HELZ: variants seen among roughly 807,000 people sequenced by gnomAD.
HELZ encodes the protein ATP-dependent RNA helicase with zinc finger domain.
In HELZ, 23 loss-of-function variants were observed where a neutral mutation model predicts 218.2. The ratio of observed to expected loss-of-function variants is 0.11; its 90% CI spans 0.08 to 0.15. The LOEUF is 0.15. Among genes scored for constraint, HELZ ranks in the 10% least tolerant of loss-of-function variants. HELZ has a pLI of 1.00. For synonymous variants in HELZ, 814 were observed against 829.4 expected (o/e 0.98, Z 0.32); for missense variants, 1,813 against 2,353.7 (o/e 0.77, Z 4.75).
At chr17:67,082,522 T>C (rs2036226449) in intron 32 of HELZ, among the ~76,000 whole-genome samples, 1 of 152,220 alleles carries the variant, frequency 6.6e-6, no homozygotes, top group African/African-American at 2.4e-5. Flanking sequence ...TTTAGTATTT[T>C]ATTTATTCAA....
At position 67,245,187 on chromosome 17, in the gene HELZ, A is replaced by G; in HGVS notation, c.-171T>C. On this transcript the variant is annotated 5_prime_UTR_variant, in exon 1 of 33. Transcript: ENST00000358691. ...TACGCCATCTTGGATCCACTTGTCA[A>G]CGTCCCCACAAAGCATTATGGGTAA... 7.1e-6 allele frequency: 7 copies of G among 985,200 alleles called. No homozygotes were observed. Among genetic ancestry groups the G allele is most frequent in the Non-Finnish European group, 8.4e-6 (7 of 829,878 alleles). The allele number at this position is 985,200 out of a possible 1,614,324, so 61.0% of individuals were successfully genotyped here. A position where few individuals can be genotyped will look rare whatever the true frequency, so the allele number is the denominator to read the frequency against.
At chr17:67,088,259 T>G (rs139727534) in intron 31 of HELZ, among the ~76,000 whole-genome samples, 2 of 152,216 alleles carry the variant, frequency 1.3e-5, no homozygotes, top group Non-Finnish European at 2.9e-5. Context: ...TAGCAAATGA[T>G]AAATCTGCTG....
Position 67,124,001 on chromosome 17 carries a change from T to C in HELZ, c.3401A>G (p.His1134Arg), listed in dbSNP as rs774383686. 3.7e-6 allele frequency: 6 copies of C among 1,603,162 alleles called. No homozygotes were observed. In the South Asian group the frequency reaches 6.6e-5, roughly 18 times the overall value. ...CTGGAAGTGATCATTCTGGGTATGA[T>C]GAAGACTTTTCCCCTTTAAAGAAAA... ...QQSPPKGKSLHHTQNDHFQND... is the reference protein window; with the variant it reads ...QQSPPKGKSLRHTQNDHFQND... Residue 1134 changes from histidine (H) to arginine (R), a missense_variant, in exon 25 of 33, where the codon CAT (histidine) becomes CGT (arginine). His to Arg is a conservative substitution (Grantham distance 29). Coordinates refer to ENST00000358691, the MANE Select transcript of HELZ (RefSeq NM_014877.4).
chr17:67,143,074 T>C (rs1210723240), intron 21 of HELZ, among the ~76,000 whole-genome samples: 1 of 152,132 alleles, frequency 6.6e-6, no homozygotes. Flanking sequence ...GAGGGACATT[T>C]AAAAATGATA....
chr17:67,114,229 G>A (rs1203258035), intron 28 of HELZ, 95 bp downstream of exon 28: 4 of 814,552 alleles, frequency 4.9e-6, no homozygotes, highest in Non-Finnish European at 8.6e-6. Context: ...AAGGATAAGT[G>A]TACAAAGGGA....
chr17:67,147,386 T>G (rs747817813), intron 20 of HELZ, among the ~76,000 whole-genome samples: 7 of 152,236 alleles, frequency 4.6e-5, no homozygotes, highest in Non-Finnish European at 1.0e-4. Flanking sequence ...AATTTGGGTA[T>G]GTCAGGCCTC....
rs964312241 is a variant in HELZ, at chr17:67,108,888, T to C, written c.4490-162A>G. Among the ~76,000 whole-genome samples, 5 of 152,192 alleles carry C rather than the reference T, an allele frequency of 3.3e-5. No homozygotes were observed. Among genetic ancestry groups the C allele is most frequent in the Admixed American group, 2.0e-4 (3 of 15,282 alleles). ...TTCTAAATTTGCCAGAAATCAGTTA[T>C]GGTGATGATGATGACAACTCTTCCT... On this transcript the variant is annotated intron_variant, in intron 29 of 32. Transcript: ENST00000358691. This position sits in a 1 kb window ranked among gnomAD's most constrained non-coding sequence, Gnocchi z 4.1.
Position 67,178,855 on chromosome 17 carries a change from T to C in HELZ, c.1234A>G (p.Thr412Ala). 1 of 1,613,200 alleles carries C rather than the reference T, an allele frequency of 6.2e-7. No individual in the cohort carries two copies. Among genetic ancestry groups the C allele is most frequent in the South Asian group, 1.1e-5 (1 of 91,060 alleles). Residue 412 changes from threonine (T) to alanine (A), a missense_variant, in exon 13 of 33, where the codon ACT becomes GCT. This residue lies in a region of HELZ where 714 missense variants were observed against 1,029.2 expected (regional missense o/e 0.69). Transcript: ENST00000358691. Reference protein sequence around the residue: ...TAKRWDSSSKTIIDFEPNETT... With the variant: ...TAKRWDSSSKAIIDFEPNETT... ...TCATTAGGTTCAAAATCTATAATAG[T>C]CTTAGAGGAAGAATCCCAACGTTTA... is the stretch of plus-strand genomic sequence containing the variant.
intron 20 of HELZ, among the ~76,000 whole-genome samples, chr17:67,148,250 G>A (rs540461294): frequency 1.3e-4 from 20 of 152,284 alleles, no homozygotes; most frequent in South Asian, 8.3e-4. Context: ...TGTCCCCTGC[G>A]GAACTGGTTG....
chr17:67,197,340 C>A (rs1280414421), intron 7 of HELZ, among the ~76,000 whole-genome samples: 1 of 152,174 alleles, frequency 6.6e-6, no homozygotes, highest in Admixed American at 6.5e-5. Context: ...GTCCATTAAA[C>A]CTCTCTTTTG....
intron 12 of HELZ, among the ~76,000 whole-genome samples, chr17:67,187,573 C>T (rs1041075797): frequency 6.6e-6 from 1 of 152,216 alleles, no homozygotes; most frequent in Non-Finnish European, 1.5e-5. Context: ...GCAAGTTTCA[C>T]ACAGCTCTGC....
intron 32 of HELZ, among the ~76,000 whole-genome samples, chr17:67,079,460 C>T (rs1015908918): frequency 6.6e-6 from 1 of 152,144 alleles, no homozygotes; most frequent in Non-Finnish European, 1.5e-5. Context: ...TTTTTCTCTT[C>T]TCTAGACCGT....
At chr17:67,138,506 T>C (rs1251245997) in intron 21 of HELZ, among the ~76,000 whole-genome samples, 1 of 152,146 alleles carries the variant, frequency 6.6e-6, no homozygotes, top group Non-Finnish European at 1.5e-5. Context: ...ATCAGGCCAA[T>C]GAAACTAACC....
At chr17:67,245,623 G>C, upstream of HELZ, 1 of 733,702 alleles carries the variant, frequency 1.4e-6, no homozygotes, top group Non-Finnish European at 1.7e-6. Context: ...CAGGAAGCCC[G>C]CGAGCGGCCG....
In HELZ at chr17:67,108,552, A is replaced by G. The variant is rs763280345; in HGVS notation, c.4664T>C (p.Val1555Ala). 9.9e-6 allele frequency: 16 copies of G among 1,613,982 alleles called. No individual in the cohort carries two copies. Among genetic ancestry groups the G allele is most frequent in the African/African-American group, 1.3e-5 (1 of 74,906 alleles). Residue 1555 changes from valine to alanine, a missense_variant, in exon 30 of 33, where the codon GTG becomes GCG. Physicochemically the swap from Val to Ala is moderately conservative, Grantham distance 64. This residue lies in a region of HELZ where 938 missense variants were observed against 1,027.5 expected (regional missense o/e 0.91). Coordinates refer to ENST00000358691, the MANE Select transcript of HELZ (RefSeq NM_014877.4). This position sits in a 1 kb window ranked among gnomAD's most constrained non-coding sequence, Gnocchi z 4.1. Reference protein sequence around the residue: ...QPPLGLHQPPVRADWKLTSSA... With the variant: ...QPPLGLHQPPARADWKLTSSA... ...GCTGGTGAGCTTCCAGTCTGCCCTC[A>G]CTGGCGGCTGATGTAATCCCAGGGG...
intron 2 of HELZ, among the ~76,000 whole-genome samples, chr17:67,240,984 T>C (rs2041301303): frequency 6.6e-6 from 1 of 152,218 alleles, no homozygotes. Flanking sequence ...TTCTAACAGA[T>C]TCAAGATTAC....
At chr17:67,180,861 G>C (rs892765041) in intron 12 of HELZ, among the ~76,000 whole-genome samples, 3 of 128,638 alleles carry the variant, frequency 2.3e-5, no homozygotes, top group Non-Finnish European at 3.1e-5. Flanking sequence ...CTGGGCGACA[G>C]AGTGAGACTC....
rs546839343 is a variant in HELZ, at chr17:67,073,548, C to T, written c.*4704G>A. 3.3e-5 allele frequency: 5 copies of T among 152,316 alleles called. No homozygotes were observed. Among genetic ancestry groups the T allele is most frequent in the Admixed American group, 2.0e-4 (3 of 15,302 alleles). The allele number at this position is 152,316 out of a possible 1,614,324, so 9.4% of individuals were successfully genotyped here. On this transcript the variant is annotated 3_prime_UTR_variant, in exon 33 of 33. Transcript: ENST00000358691. ...TTTTAGACGCTTTAGACGACCACTGCGGAACTGGGTTTGGTATTTAACCAC... is the reference window on the plus strand; with the variant it reads ...TTTTAGACGCTTTAGACGACCACTGTGGAACTGGGTTTGGTATTTAACCAC...
intron 31 of HELZ, among the ~76,000 whole-genome samples, chr17:67,102,168 T>C (rs1259135070): frequency 1.3e-5 from 2 of 152,176 alleles, no homozygotes; most frequent in Non-Finnish European, 2.9e-5. Context: ...CAAAAAATGT[T>C]ACAGAATGGG....
Sources: allele counts gnomAD v4.1 joint callset (sites outside exome capture counted in the v4.1 genomes callset), GRCh38; gene constraint gnomAD v4.1.1; regional missense constraint gnomAD v4.1.1; non-coding constraint Gnocchi (gnomAD v3.1); transcripts MANE v1.5; gene names NCBI Gene and HGNC (gene_info 2026-07-23, HGNC 2026-07-21).